HDAC9: variants seen among roughly 807,000 people sequenced by gnomAD.
The protein encoded by HDAC9 is MEF-2 interacting transcription repressor (MITR) protein.
Under a neutral mutation model 139.4 loss-of-function variants are expected in HDAC9, and 41 were observed. That is an observed-to-expected ratio of 0.29 (90% CI 0.23 to 0.38). The LOEUF is 0.38. Among genes scored for constraint, HDAC9 ranks in the 10% least tolerant of loss-of-function variants. The pLI is 1.00. For synonymous variants in HDAC9, 517 were observed against 476.2 expected (o/e 1.09, Z -1.12); for missense variants, 1,147 against 1,297.0 (o/e 0.88, Z 1.78).
At chr7:18,199,085 T>TTTTG (rs557143555) in intron 2 of HDAC9, among the ~76,000 whole-genome samples, 1,889 of 152,162 alleles carry the variant, frequency 0.012, 43 homozygotes, top group African/African-American at 0.043. Context: ...TCATTAAGTT[T>TTTTG]TTTGTTTGTT....
chr7:18,563,023 G>T (rs1024048713), intron 2 of HDAC9, among the ~76,000 whole-genome samples: 4 of 151,904 alleles, frequency 2.6e-5, no homozygotes, highest in Admixed American at 6.6e-5. Context: ...TTATTGATTA[G>T]TTATTTATTT....
intron 1 of HDAC9, among the ~76,000 whole-genome samples, chr7:18,122,955 CTTTA>C (rs1300573576): frequency 6.6e-6 from 1 of 152,094 alleles, no homozygotes; most frequent in Non-Finnish European, 1.5e-5. Context: ...GGGTTTTTTT[CTTTA>C]TTTGAGGGCA....
At chr7:18,736,220 C>CT (rs2129138114) in intron 13 of HDAC9, among the ~76,000 whole-genome samples, 1 of 152,236 alleles carries the variant, frequency 6.6e-6, no homozygotes, top group African/African-American at 2.4e-5. Flanking sequence ...ATTGAATACC[C>CT]TTTATTTCTA....
At chr7:18,277,481 G>A (rs1796814004) in intron 2 of HDAC9, among the ~76,000 whole-genome samples, 1 of 152,330 alleles carries the variant, frequency 6.6e-6, no homozygotes, top group African/African-American at 2.4e-5. Flanking sequence ...AGGTGTGCAA[G>A]GTGGGAGGAG....
intron 1 of HDAC9, among the ~76,000 whole-genome samples, chr7:18,414,078 G>A (rs185644471): frequency 3.9e-5 from 6 of 152,262 alleles, no homozygotes; most frequent in African/African-American, 1.4e-4. Flanking sequence ...TTTTAAAACT[G>A]AGGTGCTGTA....
At chr7:18,424,905 T>C (rs538380605) in intron 1 of HDAC9, among the ~76,000 whole-genome samples, 4 of 152,218 alleles carry the variant, frequency 2.6e-5, no homozygotes, top group Admixed American at 2.6e-4. Context: ...TATATCTCAA[T>C]TAAATAATAA....
At position 18,975,029 on chromosome 7, in the gene HDAC9, T is replaced by C. The variant is rs148487402; in HGVS notation, c.3023-777T>C. On this transcript the variant is annotated intron_variant, in intron 24 of 25. Coordinates refer to ENST00000686413, the MANE Select transcript of HDAC9 (RefSeq NM_178425.4). ...CCTAGGGAGATTCTCCTGCTTTGAT[T>C]TGGGGCTACTCATCATTTCACAAAA... Among the ~76,000 whole-genome samples the C allele has an allele frequency of 3.9e-5, 6 of 152,300 alleles. No individual in the cohort carries two copies. In the South Asian group the frequency reaches 1.2e-3, roughly 32 times the overall value.
At chr7:18,953,173 G>A (rs910795243) in intron 23 of HDAC9, among the ~76,000 whole-genome samples, 6 of 151,982 alleles carry the variant, frequency 3.9e-5, no homozygotes, top group Admixed American at 1.3e-4. Context: ...CTTCCCATTC[G>A]TGCCATATTA....
chr7:18,824,027 G>A, intron 17 of HDAC9, among the ~76,000 whole-genome samples: 1 of 62,906 alleles, frequency 1.6e-5, no homozygotes, highest in Non-Finnish European at 3.3e-5. Flanking sequence ...GGAAGAAGAG[G>A]AAGAGGAAGA....
At chr7:18,962,846 T>G (rs1270284779) in intron 24 of HDAC9, among the ~76,000 whole-genome samples, 1 of 152,216 alleles carries the variant, frequency 6.6e-6, no homozygotes, top group Non-Finnish European at 1.5e-5. Flanking sequence ...CCTCATTTTG[T>G]TCATGAATAA....
At chr7:18,143,999 C>CA (rs1238530915) in intron 1 of HDAC9, among the ~76,000 whole-genome samples, 1 of 151,974 alleles carries the variant, frequency 6.6e-6, no homozygotes, top group East Asian at 1.9e-4. Context: ...TCTATTTATG[C>CA]AAAAAACATA....
At chr7:18,475,221 A>G (rs910179145) in intron 1 of HDAC9, among the ~76,000 whole-genome samples, 3 of 152,330 alleles carry the variant, frequency 2.0e-5, no homozygotes, top group South Asian at 2.1e-4. Flanking sequence ...AAATGGGACA[A>G]GAGCCATGGA....
At chr7:18,795,475 A>T (rs1198392176) in intron 17 of HDAC9, among the ~76,000 whole-genome samples, 5 of 152,166 alleles carry the variant, frequency 3.3e-5, no homozygotes, top group African/African-American at 7.2e-5. Flanking sequence ...TGAAAAGTGG[A>T]TATGAATCTC....
intron 21 of HDAC9, among the ~76,000 whole-genome samples, chr7:18,845,793 G>A (rs1326337752): frequency 6.6e-6 from 1 of 152,168 alleles, no homozygotes; most frequent in East Asian, 1.9e-4. Flanking sequence ...AACATGACCA[G>A]ATTGGCTAGA....
At chr7:18,659,590 T>TA (rs2129057313) in intron 11 of HDAC9, among the ~76,000 whole-genome samples, 1 of 152,234 alleles carries the variant, frequency 6.6e-6, no homozygotes, top group African/African-American at 2.4e-5. Flanking sequence ...GTGGCATGCT[T>TA]AGTGTTCGGC....
intron 1 of HDAC9, among the ~76,000 whole-genome samples, chr7:18,401,077 T>G (rs903461083): frequency 1.3e-5 from 2 of 152,224 alleles, no homozygotes; most frequent in African/African-American, 4.8e-5. Flanking sequence ...TCCTACTTTT[T>G]GTTCAGCTTT....
chr7:18,410,175 A>G (rs1341027088), intron 1 of HDAC9, among the ~76,000 whole-genome samples: 1 of 152,142 alleles, frequency 6.6e-6, no homozygotes, highest in Non-Finnish European at 1.5e-5. Flanking sequence ...TTGTTGAAAA[A>G]TTCATTCTTT....
intron 2 of HDAC9, among the ~76,000 whole-genome samples, chr7:18,230,924 A>G (rs1483169292): frequency 6.6e-6 from 1 of 152,248 alleles, no homozygotes. Flanking sequence ...TGTTCCACAT[A>G]AGCAAGAATA....
At chr7:18,299,933 C>T (rs947235578) in intron 1 of HDAC9, among the ~76,000 whole-genome samples, 3 of 152,162 alleles carry the variant, frequency 2.0e-5, no homozygotes, top group Non-Finnish European at 4.4e-5. Context: ...AAGAGACTGT[C>T]ATGACAAGCA....
Sources: gnomAD v4.1 joint callset for allele counts (sites outside exome capture counted in the v4.1 genomes callset) on GRCh38, gnomAD v4.1.1 for gene constraint, MANE v1.5 for transcripts, NCBI Gene and HGNC (gene_info 2026-07-23, HGNC 2026-07-21) for gene names.